GRK5: variants seen among roughly 807,000 people sequenced by gnomAD.
GRK5 encodes g protein-coupled receptor kinase GRK5.
A neutral mutation model predicts 78.4 loss-of-function variants in GRK5; 40 were observed. The observed-to-expected ratio is 0.51, with a 90% CI of 0.40 to 0.66. The LOEUF (loss-of-function observed/expected upper bound fraction) is 0.66, where lower values mean the gene tolerates loss of function less well. GRK5 is among the 30% of genes least tolerant of loss of function. The pLI is 0.00. For synonymous variants in GRK5, 289 were observed against 296.8 expected (o/e 0.97, Z 0.27); for missense variants, 598 against 759.9 (o/e 0.79, Z 2.50).
At chr10:119,311,913 C>A (rs1000374447) in intron 1 of GRK5, among the ~76,000 whole-genome samples, 1 of 55,562 alleles carries the variant, frequency 1.8e-5, no homozygotes, top group African/African-American at 4.3e-5. Context: ...CTGAATTGTT[C>A]ATTTTTTTTT....
At chr10:119,423,572 C>T (rs749256581) in intron 5 of GRK5, among the ~76,000 whole-genome samples, 7 of 152,184 alleles carry the variant, frequency 4.6e-5, no homozygotes, top group South Asian at 2.1e-4. Flanking sequence ...GTCCTCAACC[C>T]CCACCACTGC....
intron 4 of GRK5, among the ~76,000 whole-genome samples, chr10:119,407,890 G>A (rs1303845009): frequency 1.3e-5 from 2 of 152,128 alleles, no homozygotes; most frequent in African/African-American, 4.8e-5. Flanking sequence ...GGGGCTGGGT[G>A]TGGTGGCTCA....
At chr10:119,215,488 A>G (rs998505925) in intron 1 of GRK5, among the ~76,000 whole-genome samples, 9 of 141,638 alleles carry the variant, frequency 6.4e-5, no homozygotes, top group African/African-American at 2.3e-4. Context: ...GAGAAGGAGA[A>G]AATAGGGAAG....
intron 2 of GRK5, 131 bp downstream of exon 2, chr10:119,326,742 C>T (rs1028740942): frequency 4.4e-6 from 3 of 683,968 alleles, no homozygotes; most frequent in Non-Finnish European, 7.8e-6. Context: ...TCAGTGGACA[C>T]AGTATTGTGC....
rs1852061618 is a variant in GRK5, at chr10:119,396,767, C to T, written c.334C>T (p.Pro112Ser). The change falls in exon 4 of 16, where the codon CCA (proline) becomes TCA (serine). Residue 112 changes from proline to serine, a missense_variant. Pro to Ser is a moderately conservative substitution (Grantham distance 74, BLOSUM62 -1). Coordinates refer to ENST00000392870, the MANE Select transcript of GRK5 (RefSeq NM_005308.3). ...GGAAATTATGACCAAGTACCTCACC[C>T]CAAAGGTAAGGAGTCTTCCAAACCC... ...GKEIMTKYLT[P>S]KSPVFIAQVG... 4 of 1,612,592 alleles carry T rather than the reference C, an allele frequency of 2.5e-6. No homozygotes were observed. The highest frequency in any genetic ancestry group is 3.3e-4 in the Middle Eastern group (2 of 6,068).
At chr10:119,300,334 G>A (rs1203654175) in intron 1 of GRK5, among the ~76,000 whole-genome samples, 2 of 152,152 alleles carry the variant, frequency 1.3e-5, no homozygotes, top group Admixed American at 6.5e-5. Flanking sequence ...CCTTCTAAAG[G>A]ACTAGCCACA....
chr10:119,403,189 C>T (rs949147832), intron 4 of GRK5, among the ~76,000 whole-genome samples: 17 of 151,728 alleles, frequency 1.1e-4, no homozygotes, highest in East Asian at 1.9e-4. Context: ...TTTTTTGAGA[C>T]GGAGTCTCGC....
chr10:119,376,382 G>T (rs769216655), intron 2 of GRK5, among the ~76,000 whole-genome samples: 25 of 152,092 alleles, frequency 1.6e-4, no homozygotes, highest in Non-Finnish European at 2.8e-4. Flanking sequence ...ATATCCCCAC[G>T]TGTTGAGTTC....
At chr10:119,227,299 G>T (rs1848757015) in intron 1 of GRK5, among the ~76,000 whole-genome samples, 1 of 152,148 alleles carries the variant, frequency 6.6e-6, no homozygotes, top group Non-Finnish European at 1.5e-5. Context: ...GGGCACGGTG[G>T]CTCATGCCTA....
chr10:119,442,741 C>A (rs1169709543), intron 11 of GRK5, among the ~76,000 whole-genome samples: 1 of 152,250 alleles, frequency 6.6e-6, no homozygotes, highest in Non-Finnish European at 1.5e-5. Context: ...GTACTGACAG[C>A]AGCTGCACAG....
intron 4 of GRK5, among the ~76,000 whole-genome samples, chr10:119,417,203 G>A (rs377111550): frequency 2.0e-5 from 3 of 152,134 alleles, no homozygotes; most frequent in African/African-American, 7.2e-5. Flanking sequence ...CATCAGCCTC[G>A]GGTGTGGTGG....
At chr10:119,208,221 G>T (rs1848423045) in intron 1 of GRK5, among the ~76,000 whole-genome samples, 1 of 152,236 alleles carries the variant, frequency 6.6e-6, no homozygotes, top group Non-Finnish European at 1.5e-5. Context: ...TCCAGCGCTC[G>T]CCCTGCAGAG....
chr10:119,399,776 T>A (rs907814665), intron 4 of GRK5, among the ~76,000 whole-genome samples: 1 of 152,196 alleles, frequency 6.6e-6, no homozygotes, highest in Non-Finnish European at 1.5e-5. Flanking sequence ...CTGAGCACAC[T>A]TTGGGCTACA....
intron 1 of GRK5, among the ~76,000 whole-genome samples, chr10:119,282,505 G>A (rs1228910391): frequency 1.3e-5 from 2 of 152,238 alleles, no homozygotes; most frequent in African/African-American, 4.8e-5. Flanking sequence ...CTGCACTGCT[G>A]TGTCCTCAGC....
At chr10:119,367,235 CTGCT>C (rs1851464373) in intron 2 of GRK5, among the ~76,000 whole-genome samples, 4 of 152,236 alleles carry the variant, frequency 2.6e-5, no homozygotes, top group Admixed American at 2.0e-4. Context: ...AGCTAGAATT[CTGCT>C]AAGCTCTAGC....
chr10:119,354,823 T>C (rs1167076420), intron 2 of GRK5, among the ~76,000 whole-genome samples: 1 of 152,196 alleles, frequency 6.6e-6, no homozygotes, highest in Non-Finnish European at 1.5e-5. Context: ...AATACAGTAT[T>C]CAAGGGATAC....
At chr10:119,283,035 G>A (rs760165557) in intron 1 of GRK5, among the ~76,000 whole-genome samples, 17 of 152,130 alleles carry the variant, frequency 1.1e-4, no homozygotes, top group Non-Finnish European at 2.2e-4. Flanking sequence ...AGCTGATAAG[G>A]GGCCTGGCCT....
chr10:119,372,556 T>C (rs1243589877), intron 2 of GRK5, among the ~76,000 whole-genome samples: 1 of 152,240 alleles, frequency 6.6e-6, no homozygotes, highest in African/African-American at 2.4e-5. Context: ...ACTTAAGGGT[T>C]AGAGGAAGTC....
chr10:119,254,532 C>T (rs1312953134), intron 1 of GRK5, among the ~76,000 whole-genome samples: 1 of 151,634 alleles, frequency 6.6e-6, no homozygotes, highest in East Asian at 1.9e-4. Context: ...GGATTTGTAG[C>T]GGGTGTGGCT....
Sources: allele counts gnomAD v4.1 joint callset (sites outside exome capture counted in the v4.1 genomes callset), GRCh38; gene constraint gnomAD v4.1.1; transcripts MANE v1.5; gene names NCBI Gene and HGNC (gene_info 2026-07-23, HGNC 2026-07-21).